The following ARHGAP24 variants were observed in gnomAD, a reference collection of about 807,000 sequenced individuals.
The protein encoded by ARHGAP24 is rho GTPase-activating protein 24.
A neutral mutation model predicts 76.4 loss-of-function variants in ARHGAP24; 50 were observed. The ratio of observed to expected loss-of-function variants is 0.65; its 90% CI spans 0.52 to 0.83. The LOEUF (loss-of-function observed/expected upper bound fraction) is 0.83. Among genes scored for constraint, ARHGAP24 ranks in the 40% least tolerant of loss-of-function variants. ARHGAP24 has a pLI of 0.00. For synonymous variants in ARHGAP24, 345 were observed against 323.3 expected (o/e 1.07, Z -0.72); for missense variants, 930 against 914.2 (o/e 1.02, Z -0.22).
chr4:85,590,633 T>G (rs1560544027), intron 2 of ARHGAP24, among the ~76,000 whole-genome samples: 1 of 152,102 alleles, frequency 6.6e-6, no homozygotes, highest in Non-Finnish European at 1.5e-5. Context: ...GTGCTGGGAT[T>G]GCAGGTGTGA....
At chr4:85,865,986 A>G (rs892241472) in intron 3 of ARHGAP24, among the ~76,000 whole-genome samples, 4 of 152,124 alleles carry the variant, frequency 2.6e-5, no homozygotes, top group African/African-American at 7.2e-5. Flanking sequence ...GGAAATACCT[A>G]TTTTGCAAAC....
intron 3 of ARHGAP24, among the ~76,000 whole-genome samples, chr4:85,878,413 T>C (rs1228634593): frequency 2.0e-5 from 3 of 152,172 alleles, no homozygotes; most frequent in African/African-American, 7.2e-5. Context: ...CTATGGAATG[T>C]CTAGCCAGCC....
intron 3 of ARHGAP24, among the ~76,000 whole-genome samples, chr4:85,787,548 T>G (rs991509395): frequency 1.3e-5 from 2 of 152,248 alleles, no homozygotes; most frequent in Non-Finnish European, 2.9e-5. Flanking sequence ...ATTTTTTGTT[T>G]GTAACAGCTT....
intron 1 of ARHGAP24, among the ~76,000 whole-genome samples, chr4:85,495,341 ATTTTTTTTTTTTTTT>A (rs35138716): frequency 3.8e-5 from 2 of 53,092 alleles, no homozygotes; most frequent in African/African-American, 1.3e-4. Context: ...GAAGTACAGA[ATTTTTTTTTTTTTTT>A]TTTTTTTTTT....
intron 2 of ARHGAP24, among the ~76,000 whole-genome samples, chr4:85,692,404 AT>A (rs1723698765): frequency 6.6e-6 from 1 of 152,154 alleles, no homozygotes; most frequent in Non-Finnish European, 1.5e-5. Flanking sequence ...TGTGCACTAT[AT>A]CCTCAAGTAT....
intron 3 of ARHGAP24, among the ~76,000 whole-genome samples, chr4:85,795,334 C>T (rs932908488): frequency 6.6e-6 from 1 of 152,102 alleles, no homozygotes; most frequent in Non-Finnish European, 1.5e-5. Flanking sequence ...CCTTTTTCTC[C>T]CTCTGGAATG....
chr4:85,999,697 T>A (rs1288538303), intron 9 of ARHGAP24, among the ~76,000 whole-genome samples: 1 of 152,218 alleles, frequency 6.6e-6, no homozygotes, highest in Non-Finnish European at 1.5e-5. Context: ...GATTTGGATC[T>A]TAGTGGTTAT....
In ARHGAP24 at chr4:85,944,168, G is replaced by T. The variant is rs187884421; in HGVS notation, c.599+1895G>T. On this transcript the variant is annotated intron_variant, in intron 5 of 9. Coordinates refer to ENST00000395184, the MANE Select transcript of ARHGAP24 (RefSeq NM_001025616.3). ...ATTGCCATTCTAACTGGCGTGAGAT[G>T]GTATCTCATTGTGGTTTTGATTTGC... is the stretch of plus-strand genomic sequence containing the variant. Among the ~76,000 whole-genome samples the T allele has an allele frequency of 3.3e-4, 50 of 152,226 alleles. 2 individuals are homozygous for T. The highest frequency in any genetic ancestry group is 2.5e-3 in the Admixed American group (38 of 15,294).
chr4:85,617,408 C>T (rs989163982), intron 2 of ARHGAP24, among the ~76,000 whole-genome samples: 1 of 151,834 alleles, frequency 6.6e-6, no homozygotes, highest in African/African-American at 2.4e-5. Flanking sequence ...CGTATCCTTC[C>T]GGAGATGTTC....
intron 2 of ARHGAP24, among the ~76,000 whole-genome samples, chr4:85,656,684 T>A (rs1722186271): frequency 6.6e-6 from 1 of 152,110 alleles, no homozygotes; most frequent in Admixed American, 6.5e-5. Context: ...GCCAGGATGG[T>A]CTCGATCTCC....
chr4:85,778,604 A>G (rs1257316655), intron 3 of ARHGAP24: 1 of 891,270 alleles, frequency 1.1e-6, no homozygotes, highest in Non-Finnish European at 1.3e-6. Flanking sequence ...CCTATTTCTT[A>G]TTTTGTTTTG....
chr4:85,626,770 G>T (rs4693725), intron 2 of ARHGAP24, among the ~76,000 whole-genome samples: 50,004 of 151,792 alleles, frequency 0.33, 9,274 homozygotes, highest in East Asian at 0.84. Flanking sequence ...AGGCTTTGTT[G>T]GTTTCTTTTT....
At chr4:85,915,503 G>A (rs1166789968) in intron 3 of ARHGAP24, among the ~76,000 whole-genome samples, 1 of 152,140 alleles carries the variant, frequency 6.6e-6, no homozygotes, top group African/African-American at 2.4e-5. Context: ...CACGTGCCAT[G>A]GTGGTTTGCC....
At chr4:85,776,814 G>C (rs545714923) in intron 3 of ARHGAP24, among the ~76,000 whole-genome samples, 1 of 152,000 alleles carries the variant, frequency 6.6e-6, no homozygotes, top group Admixed American at 6.6e-5. Flanking sequence ...TCTCCTCAAG[G>C]CCTATTACCT....
chr4:85,750,195 G>A (rs1186766799), intron 3 of ARHGAP24, among the ~76,000 whole-genome samples: 2 of 152,170 alleles, frequency 1.3e-5, no homozygotes. Flanking sequence ...GTGTCAGTTA[G>A]TGATAAGTGC....
At chr4:85,771,572 C>A (rs149987563) in intron 3 of ARHGAP24, among the ~76,000 whole-genome samples, 134 of 152,342 alleles carry the variant, frequency 8.8e-4, no homozygotes, top group African/African-American at 3.1e-3. Context: ...GTTTTACCAG[C>A]TATCTGAGCA....
chr4:85,791,971 T>G (rs17010925), intron 3 of ARHGAP24, among the ~76,000 whole-genome samples: 33,571 of 152,000 alleles, frequency 0.22, 4,163 homozygotes, highest in African/African-American at 0.34. Context: ...TTAGTTAAAT[T>G]ATGTGGTCAG....
intron 3 of ARHGAP24, among the ~76,000 whole-genome samples, chr4:85,807,864 A>G (rs1300016103): frequency 6.6e-6 from 1 of 152,128 alleles, no homozygotes; most frequent in African/African-American, 2.4e-5. Context: ...CTAGTCTTGG[A>G]GAGTATGTTT....
intron 1 of ARHGAP24, among the ~76,000 whole-genome samples, chr4:85,569,036 G>T (rs1230288215): frequency 6.6e-6 from 1 of 152,202 alleles, no homozygotes; most frequent in Non-Finnish European, 1.5e-5. Flanking sequence ...ATTTGACCCT[G>T]AGCCTTCAAG....
Sources: gnomAD v4.1 joint callset for allele counts (sites outside exome capture counted in the v4.1 genomes callset) on GRCh38, gnomAD v4.1.1 for gene constraint, MANE v1.5 for transcripts, NCBI Gene and HGNC (gene_info 2026-07-23, HGNC 2026-07-21) for gene names.